CREB5: variants seen among roughly 807,000 people sequenced by gnomAD.
The protein encoded by CREB5 is cyclic AMP-responsive element-binding protein 5.
A neutral mutation model predicts 57.1 loss-of-function variants in CREB5; 19 were observed. The ratio of observed to expected loss-of-function variants is 0.33; its 90% CI spans 0.23 to 0.49. The LOEUF is 0.49. Among genes scored for constraint, CREB5 ranks in the 20% least tolerant of loss-of-function variants. CREB5 has a pLI of 0.99. For missense variants in CREB5, 579 were observed against 671.6 expected (o/e 0.86, Z 1.52); for synonymous variants, 238 against 238.3 (o/e 1.00, Z 0.01).
intron 5 of CREB5, among the ~76,000 whole-genome samples, chr7:28,715,993 T>A (rs902273355): frequency 6.6e-6 from 1 of 152,172 alleles, no homozygotes; most frequent in African/African-American, 2.4e-5. Flanking sequence ...GAACACTGAA[T>A]TAAATGAAAC....
intron 1 of CREB5, among the ~76,000 whole-genome samples, chr7:28,453,097 C>A (rs1789906611): frequency 6.6e-6 from 1 of 152,148 alleles, no homozygotes; most frequent in Admixed American, 6.5e-5. Flanking sequence ...CTCTTAATTT[C>A]CAGGTTGCAG....
intron 4 of CREB5, among the ~76,000 whole-genome samples, chr7:28,522,270 AT>A (rs1448303699): frequency 6.6e-6 from 1 of 151,936 alleles, no homozygotes; most frequent in Admixed American, 6.6e-5. Context: ...GTGCATATGC[AT>A]TTTAATATAA....
At chr7:28,556,413 T>G (rs77358915) in intron 4 of CREB5, among the ~76,000 whole-genome samples, 2 of 152,052 alleles carry the variant, frequency 1.3e-5, no homozygotes, top group African/African-American at 4.8e-5. Flanking sequence ...GCCAGGTTAC[T>G]TGGGCACACC....
intron 5 of CREB5, among the ~76,000 whole-genome samples, chr7:28,654,970 G>C (rs1799279920): frequency 6.6e-6 from 1 of 152,134 alleles, no homozygotes; most frequent in Non-Finnish European, 1.5e-5. Flanking sequence ...GAGTACAGTG[G>C]CACAATATTG....
At chr7:28,729,761 C>T (rs1359745841) in intron 7 of CREB5, among the ~76,000 whole-genome samples, 1 of 152,212 alleles carries the variant, frequency 6.6e-6, no homozygotes, top group Admixed American at 6.5e-5. Flanking sequence ...TTCTCAGAAG[C>T]TTTGTGACTA....
At chr7:28,818,012 G>T in intron 9 of CREB5, 59 bp from the exon 10 acceptor site, 1 of 1,312,864 alleles carries the variant, frequency 7.6e-7, no homozygotes, top group Non-Finnish European at 1.1e-6. Context: ...AAGTGCACAG[G>T]GCTGTGGGTT....
rs1788506865 is a variant in CREB5, at chr7:28,426,260, G to A, written c.3+13343G>A. On this transcript the variant is annotated intron_variant, in intron 1 of 10. Transcript: ENST00000357727. The stretch of plus-strand genomic sequence containing the variant: ...AGGAAAATAAGGCTTAGAGGTTAAG[G>A]GACTTGACCAGTGGGACAAAACCAG... Among the ~76,000 whole-genome samples, 3 of 152,290 alleles carry A rather than the reference G, an allele frequency of 2.0e-5. No homozygotes were observed. The South Asian group carries it at 6.2e-4, about 32-fold the overall frequency.
rs193168056 is a variant in CREB5 at position 28,418,417 on chromosome 7, A to C, written c.3+5500A>C. Among the ~76,000 whole-genome samples, 327 of 152,260 alleles carry C rather than the reference A, an allele frequency of 2.1e-3. 1 individual carries two copies. Among genetic ancestry groups the C allele is most frequent in the Non-Finnish European group, 3.0e-3 (207 of 68,020 alleles). ...ACCTTCTTGTGAAGTCTACAGACAG[A>C]ATTGTTTGTGGAGGGGAGGAGAGAC... On this transcript the variant is annotated intron_variant, in intron 1 of 10. Transcript: ENST00000357727.
At chr7:28,697,329 T>C (rs1300048760) in intron 5 of CREB5, among the ~76,000 whole-genome samples, 1 of 152,134 alleles carries the variant, frequency 6.6e-6, no homozygotes, top group Non-Finnish European at 1.5e-5. Context: ...TATTTCAAGT[T>C]TTGTCCCAAC....
At chr7:28,779,586 G>A (rs1318996816) in intron 7 of CREB5, among the ~76,000 whole-genome samples, 1 of 152,100 alleles carries the variant, frequency 6.6e-6, no homozygotes, top group East Asian at 1.9e-4. Context: ...CCTGCTTTTG[G>A]TTAGGAAGGT....
At chr7:28,560,866 C>CGTGCGTGCGCGCGCGCG in intron 4 of CREB5, among the ~76,000 whole-genome samples, 1 of 50,294 alleles carries the variant, frequency 2.0e-5, no homozygotes, top group South Asian at 9.1e-4. Flanking sequence ...GTGCGTGTGC[C>CGTGCGTGCGCGCGCGCG]TGCGTGCGCG....
intron 1 of CREB5, among the ~76,000 whole-genome samples, chr7:28,381,724 CT>C (rs1786971338): frequency 1.3e-5 from 2 of 152,108 alleles, no homozygotes; most frequent in Admixed American, 6.5e-5. Context: ...CTTAACCCAG[CT>C]GAGAAAGTAA....
At chr7:28,433,939 A>T (rs964394169) in intron 1 of CREB5, among the ~76,000 whole-genome samples, 1 of 151,618 alleles carries the variant, frequency 6.6e-6, no homozygotes, top group Non-Finnish European at 1.5e-5. Context: ...ACTTTACTCA[A>T]CTCCACTTTT....
At position 28,431,982 on chromosome 7, in the gene CREB5, C is replaced by A. The variant is rs79432029; in HGVS notation, c.3+19065C>A. ...TTGAGGTGACTGCAAACAGCTATGC[C>A]TTTTTTTTTTTTTTTTTGCTTTTTT... On this transcript the variant is annotated intron_variant, in intron 1 of 10. Coordinates refer to ENST00000357727, the MANE Select transcript of CREB5 (RefSeq NM_182898.4). Among the ~76,000 whole-genome samples, 500 of 124,782 alleles carry A rather than the reference C, an allele frequency of 4.0e-3. 9 individuals carry two copies. The highest frequency in any genetic ancestry group is 8.7e-3 in the Middle Eastern group (2 of 230). The allele number at this position is 124,782 out of a possible 152,430, so 81.9% of individuals were successfully genotyped here. A position where few individuals can be genotyped will look rare whatever the true frequency, so the allele number is the denominator to read the frequency against.
rs549376742 is a variant in CREB5 at position 28,392,768 on chromosome 7, G to A, written c.-25+93327G>A. ...GATCAGGAGGACAGAAGAGATTTTC[G>A]AGGTACAGGTTACACCTTAGTCCCG... On this transcript the variant is annotated intron_variant, in intron 1 of 9. Transcript: ENST00000396299. 3.9e-5 allele frequency among the ~76,000 whole-genome samples: 6 copies of A among 152,162 alleles called. No individual in the cohort carries two copies. In the East Asian group the frequency reaches 1.2e-3, roughly 29 times the overall value.
intron 5 of CREB5, among the ~76,000 whole-genome samples, chr7:28,576,498 G>A (rs1413877233): frequency 6.6e-6 from 1 of 152,194 alleles, no homozygotes; most frequent in Admixed American, 6.5e-5. Flanking sequence ...CAATACCAGT[G>A]CCGTGGAAGA....
intron 5 of CREB5, among the ~76,000 whole-genome samples, chr7:28,667,334 A>C (rs1035767137): frequency 2.0e-5 from 3 of 151,310 alleles, no homozygotes; most frequent in Non-Finnish European, 4.4e-5. Context: ...GTTTGGGGCA[A>C]TTAAAATGCT....
chr7:28,455,703 G>A (rs1031948415), intron 1 of CREB5, among the ~76,000 whole-genome samples: 25 of 152,110 alleles, frequency 1.6e-4, no homozygotes, highest in Admixed American at 1.4e-3. Flanking sequence ...AAGTAGTGGG[G>A]GGTGGGTGAA....
At chr7:28,808,712 CTTTTTTTTTTTTTTT>C (rs59374546) in intron 8 of CREB5, among the ~76,000 whole-genome samples, 6 of 83,194 alleles carry the variant, frequency 7.2e-5, no homozygotes, top group East Asian at 3.3e-4. Flanking sequence ...CCAATTTTTC[CTTTTTTTTTTTTTTT>C]TTTTTTTTTT....
Sources: allele counts gnomAD v4.1 joint callset (sites outside exome capture counted in the v4.1 genomes callset), GRCh38; gene constraint gnomAD v4.1.1; transcripts MANE v1.5; gene names NCBI Gene and HGNC (gene_info 2026-07-23, HGNC 2026-07-21).